The following BRAF variants were observed in gnomAD, a reference collection of about 807,000 sequenced individuals.
The protein encoded by BRAF is B-Raf proto-oncogene, serine/threonine kinase, also known as serine/threonine-protein kinase B-raf.
BRAF carries 16 observed loss-of-function variants against 104.6 expected under a neutral mutation model. The observed-to-expected ratio is 0.15, with a 90% CI of 0.10 to 0.23. The LOEUF is 0.23. BRAF is among the 10% of genes least tolerant of loss of function. The pLI, the probability that BRAF is intolerant of heterozygous loss-of-function variation, is 1.00. For missense variants in BRAF, 541 were observed against 937.3 expected (o/e 0.58, Z 5.52); for synonymous variants, 310 against 341.6 (o/e 0.91, Z 1.02).
intron 1 of BRAF, among the ~76,000 whole-genome samples, chr7:140,916,131 G>A (rs1329445404): frequency 1.3e-5 from 2 of 152,114 alleles, no homozygotes; most frequent in Non-Finnish European, 2.9e-5. Context: ...CTACTAGTCA[G>A]GTATTCCACA....
chr7:140,754,273 AG>A (rs1229958096), intron 14 of BRAF, 40 bp from the exon 14 acceptor site: 13 of 1,588,800 alleles, frequency 8.2e-6, no homozygotes, highest in Middle Eastern at 1.7e-4. Context: ...GTAGGGCTAA[AG>A]GACTCTGGCC....
chr7:140,826,305 CTGTTTCTTTTGA>C (rs911064810), intron 3 of BRAF, among the ~76,000 whole-genome samples: 1 of 152,150 alleles, frequency 6.6e-6, no homozygotes, highest in African/African-American at 2.4e-5. Flanking sequence ...CTAGAGATAA[CTGTTTCTTTTGA>C]ACTTTCTACA....
intron 8 of BRAF, among the ~76,000 whole-genome samples, chr7:140,788,929 CG>C (rs1344641750): frequency 1.3e-5 from 2 of 151,334 alleles, no homozygotes; most frequent in African/African-American, 2.4e-5. Flanking sequence ...GCTCTTTATG[CG>C]CCGGGTGCGG....
intron 9 of BRAF, among the ~76,000 whole-genome samples, chr7:140,786,932 C>T (rs930714287): frequency 1.3e-5 from 2 of 152,172 alleles, no homozygotes; most frequent in South Asian, 2.1e-4. Flanking sequence ...CTGTAGTCTA[C>T]GGCCATACCA....
chr7:140,814,774 C>CATATATATTATATATAACAT (rs1242583776), intron 3 of BRAF, among the ~76,000 whole-genome samples: 9,534 of 134,968 alleles, frequency 0.071, 1,289 homozygotes, highest in African/African-American at 0.27. Context: ...TTATATATAA[C>CATATATATTATATATAACAT]ATATATATTA....
chr7:140,909,143 A>T (rs528442269), intron 1 of BRAF, among the ~76,000 whole-genome samples: 2 of 152,216 alleles, frequency 1.3e-5, no homozygotes, highest in Admixed American at 1.3e-4. Context: ...TGTAATTCAG[A>T]GGCTGGGCAC....
chr7:140,913,300 C>G (rs1349152320), intron 1 of BRAF, among the ~76,000 whole-genome samples: 1 of 151,906 alleles, frequency 6.6e-6, no homozygotes, highest in Non-Finnish European at 1.5e-5. Flanking sequence ...GGGTAGAGAC[C>G]TTTGTTTTGT....
chr7:140,730,266 T>TA (rs912693653), intron 19 of BRAF, among the ~76,000 whole-genome samples: 2 of 151,854 alleles, frequency 1.3e-5, no homozygotes, highest in African/African-American at 2.4e-5. Flanking sequence ...CTCTATGTCT[T>TA]AAAAAAAATC....
intron 10 of BRAF, among the ~76,000 whole-genome samples, chr7:140,783,704 C>T (rs1051631299): frequency 6.6e-6 from 1 of 152,138 alleles, no homozygotes; most frequent in African/African-American, 2.4e-5. Context: ...ACATGCTCTA[C>T]TATTTAAGAG....
At chr7:140,890,718 C>T (rs1338751505) in intron 1 of BRAF, among the ~76,000 whole-genome samples, 1 of 152,216 alleles carries the variant, frequency 6.6e-6, no homozygotes, top group Admixed American at 6.5e-5. Flanking sequence ...GGGCCCCAGG[C>T]ATCTGTACCT....
chr7:140,784,938 C>T (rs746564347), intron 10 of BRAF, among the ~76,000 whole-genome samples: 1 of 152,118 alleles, frequency 6.6e-6, no homozygotes, highest in Non-Finnish European at 1.5e-5. Context: ...TGAGCCACCG[C>T]GCCTGGCCCG....
At chr7:140,883,949 T>C (rs986767291) in intron 1 of BRAF, 2 of 152,200 alleles carry the variant, frequency 1.3e-5, no homozygotes, top group African/African-American at 2.4e-5. Context: ...CAAGAGGAAT[T>C]TGAATCCAGA....
At chr7:140,883,329 C>A (rs1231907451) in intron 1 of BRAF, among the ~76,000 whole-genome samples, 2 of 152,134 alleles carry the variant, frequency 1.3e-5, no homozygotes, top group South Asian at 2.1e-4. Flanking sequence ...TTTTGTTTTT[C>A]CTCTATGGTA....
At chr7:140,793,052 G>A (rs945811631) in intron 8 of BRAF, among the ~76,000 whole-genome samples, 4 of 152,108 alleles carry the variant, frequency 2.6e-5, no homozygotes, top group Non-Finnish European at 5.9e-5. Flanking sequence ...AAATGGCAGC[G>A]GTAATAAGTA....
At chr7:140,889,534 A>C (rs562517130) in intron 1 of BRAF, among the ~76,000 whole-genome samples, 7 of 152,308 alleles carry the variant, frequency 4.6e-5, no homozygotes, top group Non-Finnish European at 8.8e-5. Context: ...CAAAATTTTT[A>C]AGTCTGGAGA....
chr7:140,734,403 G>T, intron 19 of BRAF: 7 of 1,462,482 alleles, frequency 4.8e-6, no homozygotes, highest in Non-Finnish European at 6.3e-6. Flanking sequence ...TTTAACCCTT[G>T]GATGTTAAAA....
chr7:140,787,423 T>A (rs2129031348), intron 9 of BRAF, 125 bp downstream of exon 9: 1 of 911,416 alleles, frequency 1.1e-6, no homozygotes, highest in Non-Finnish European at 1.7e-6. Flanking sequence ...AACAAAAAAA[T>A]TTTGGGTTTC....
chr7:140,788,169 C>T (rs1314619506), intron 8 of BRAF, among the ~76,000 whole-genome samples: 2 of 152,028 alleles, frequency 1.3e-5, no homozygotes, highest in South Asian at 2.1e-4. Context: ...TAAAAAATGG[C>T]TTCATCAATC....
At chr7:140,823,504 C>T (rs1015474386) in intron 3 of BRAF, 5 of 143,352 alleles carry the variant, frequency 3.5e-5, no homozygotes, top group African/African-American at 1.4e-4. Flanking sequence ...TGTCCTAAGG[C>T]TGAATAATAT....
Sources: allele counts gnomAD v4.1 joint callset (sites outside exome capture counted in the v4.1 genomes callset), GRCh38; gene constraint gnomAD v4.1.1; transcripts MANE v1.5; gene names NCBI Gene and HGNC (gene_info 2026-07-23, HGNC 2026-07-21).